ETFB: variants seen among roughly 807,000 people sequenced by gnomAD.
The protein encoded by ETFB is beta-ETF.
In ETFB, 20 loss-of-function variants were observed where a neutral mutation model predicts 25.6. That is an observed-to-expected ratio of 0.78 (90% CI 0.55 to 1.14). The LOEUF (loss-of-function observed/expected upper bound fraction) is 1.14. ETFB is among the 50% of genes most tolerant of loss of function. ETFB has a pLI of 0.00. For missense variants in ETFB, 286 were observed against 342.6 expected (o/e 0.83, Z 1.30); for synonymous variants, 142 against 146.7 (o/e 0.97, Z 0.23).
At chr19:51,364,492 C>T (rs1307952154) in intron 1 of ETFB, among the ~76,000 whole-genome samples, 1 of 152,200 alleles carries the variant, frequency 6.6e-6, no homozygotes, top group Non-Finnish European at 1.5e-5. Flanking sequence ...AGGCTCTGTG[C>T]TGAGTGATGC....
At chr19:51,359,377 A>T (rs1397568239) in intron 1 of ETFB, among the ~76,000 whole-genome samples, 1 of 151,696 alleles carries the variant, frequency 6.6e-6, no homozygotes, top group Non-Finnish European at 1.5e-5. Context: ...AAAAAAAAAA[A>T]CACAACATAG....
At chr19:51,354,507 C>G in intron 1 of ETFB, 199 bp from the exon 2 acceptor site, 1 of 1,614,218 alleles carries the variant, frequency 6.2e-7, no homozygotes, top group Non-Finnish European at 8.5e-7. Flanking sequence ...GTCTCCTTCT[C>G]TCATCCAGCC....
intron 3 of ETFB, 85 bp downstream of exon 3, chr19:51,353,047 A>AGCT: frequency 6.4e-7 from 1 of 1,556,998 alleles, no homozygotes; most frequent in Non-Finnish European, 8.8e-7. Flanking sequence ...GGGCCTGGCC[A>AGCT]GCTGCTGTCT....
intron 5 of ETFB, 176 bp from the exon 6 acceptor site, chr19:51,345,557 C>A (rs1458170258): frequency 1.0e-5 from 7 of 680,222 alleles, no homozygotes; most frequent in Non-Finnish European, 1.6e-5. Context: ...GTGGACAACT[C>A]CTGCTGGCTA....
At chr19:51,350,172 C>T in intron 4 of ETFB, 157 bp downstream of exon 4, 3 of 778,986 alleles carry the variant, frequency 3.9e-6, no homozygotes, top group Non-Finnish European at 6.4e-6. Context: ...GATACCTCAG[C>T]AGAGACCTCA....
chr19:51,366,384 G>GGCCCCCCCCCC lies in ETFB; in HGVS notation c.-59_-58insGGGGGGGGGGC. The GGCCCCCCCCCC allele has an allele frequency of 1.3e-6, 2 of 1,525,606 alleles. No individual in the cohort carries two copies. The highest frequency in any genetic ancestry group is 2.3e-5 in the East Asian group (1 of 42,566). The allele number at this position is 1,525,606 out of a possible 1,614,324, so 94.5% of individuals were successfully genotyped here. On this transcript the variant is annotated 5_prime_UTR_variant, in exon 1 of 6. Coordinates refer to ENST00000309244, the MANE Select transcript of ETFB (RefSeq NM_001985.3). ...GCACCCTCAGCGGCTCAGTCCAGAA[G>GGCCCCCCCCCC]CCCCACCACCCCCGCCCCCCGCGCC... is the stretch of plus-strand genomic sequence containing the variant.
chr19:51,364,695 A>AGG (rs1407638766), intron 1 of ETFB, among the ~76,000 whole-genome samples: 1 of 152,198 alleles, frequency 6.6e-6, no homozygotes, highest in African/African-American at 2.4e-5. Context: ...GGACCCCAAG[A>AGG]GGAATGTGTC....
chr19:51,360,572 G>A (rs190006118), intron 1 of ETFB, among the ~76,000 whole-genome samples: 2 of 152,300 alleles, frequency 1.3e-5, no homozygotes, highest in East Asian at 3.9e-4. Context: ...GAGGCACAGA[G>A]AGGCCAAGTA....
rs75898079 is a variant in ETFB at position 51,352,917 on chromosome 19, C to T, written c.375+215G>A. ...TGCTGAGATTACAGGCGTAAACCACCGTGCCTGGCCCAAGAGGATCTTTCT... is the reference window on the plus strand; with the variant it reads ...TGCTGAGATTACAGGCGTAAACCACTGTGCCTGGCCCAAGAGGATCTTTCT... On this transcript the variant is annotated intron_variant, in intron 3 of 5. Coordinates refer to ENST00000309244, the MANE Select transcript of ETFB (RefSeq NM_001985.3). Among the ~76,000 whole-genome samples the T allele has an allele frequency of 0.011, 1,697 of 152,308 alleles. 12 individuals are homozygous for T. Among genetic ancestry groups the T allele is most frequent in the Non-Finnish European group, 0.017 (1,176 of 68,012 alleles).
Position 51,350,340 on chromosome 19 carries a change from C to G in ETFB, c.427G>C (p.Asp143His), listed in dbSNP as rs1234160662. The change falls in exon 4 of 6, where the codon GAC becomes CAC. Residue 143 changes from aspartate to histidine, a missense_variant. Transcript: ENST00000309244. ...QTGQMTAGFL[D>H]WPQGTFASQV... is the part of the protein sequence containing the mutation. The stretch of plus-strand genomic sequence containing the variant: ...CACTCCAGTCTCACCTGTGGCCAGT[C>G]AAGAAATCCAGCTGTCATCTGCCCT... 1.2e-6 allele frequency: 2 copies of G among 1,610,856 alleles called. No homozygotes were observed. Among genetic ancestry groups the G allele is most frequent in the Non-Finnish European group, 1.7e-6 (2 of 1,178,688 alleles).
intron 1 of ETFB, 133 bp from the exon 2 acceptor site, chr19:51,354,441 A>G: frequency 6.2e-7 from 1 of 1,613,928 alleles, no homozygotes; most frequent in African/African-American, 1.3e-5. Flanking sequence ...GTCCGGGGTC[A>G]CACAGCTCCA....
Position 51,345,290 on chromosome 19 carries a change from G to A in ETFB, c.689C>T (p.Pro230Leu), listed in dbSNP as rs145010124. ...SKLSVISVED[P>L]PQRTAGVKVE... ...CTTGACGCCGGCCGTGCGCTGGGGC[G>A]GGTCCTCCACACTGATCACAGAGAG... Residue 230 changes from proline to leucine, a missense_variant, in exon 6 of 6, where the codon CCG (proline) becomes CTG (leucine). Pro to Leu is a moderately conservative substitution (Grantham distance 98). Transcript: ENST00000309244. 29 of 1,613,978 alleles carry A rather than the reference G, an allele frequency of 1.8e-5. No homozygotes were observed. The highest frequency in any genetic ancestry group is 6.6e-5 in the South Asian group (6 of 91,090).
intron 1 of ETFB, among the ~76,000 whole-genome samples, chr19:51,360,781 T>C (rs906205508): frequency 2.6e-5 from 4 of 152,116 alleles, no homozygotes; most frequent in African/African-American, 9.7e-5. Flanking sequence ...TCTCTCTCTC[T>C]CTCTCTCTTT....
At chr19:51,358,414 C>A (rs1048068420) in intron 1 of ETFB, among the ~76,000 whole-genome samples, 1 of 152,138 alleles carries the variant, frequency 6.6e-6, no homozygotes, top group Non-Finnish European at 1.5e-5. Flanking sequence ...TGTCTGTAAT[C>A]CCAGAAATTT....
In ETFB at chr19:51,350,369, TGGTTACAGTCATCATC is replaced by T; in HGVS notation, c.382_397del (p.Asp128ArgfsTer5). On this transcript the variant is annotated frameshift_variant, in exon 4 of 6. Coordinates refer to ENST00000309244, the MANE Select transcript of ETFB (RefSeq NM_001985.3). LOFTEE classifies it high-confidence loss of function. ...AAATCCAGCTGTCATCTGCCCTGTC[TGGTTACAGTCATCATC>T]GATGGCCTGAATGGGGAGAGACAGA... 1.3e-6 allele frequency: 2 copies of T among 1,596,272 alleles called. No homozygotes were observed. The highest frequency in any genetic ancestry group is 8.6e-7 in the Non-Finnish European group (1 of 1,165,520).
chr19:51,352,598 C>T lies in ETFB; in HGVS notation c.375+534G>A, dbSNP rs1362512322. ...CTCGGCCTCCCAGCCTCTAAACTCA[C>T]CCAAAAGGATCTTTCTTCTTTTTTT... On this transcript the variant is annotated intron_variant, in intron 3 of 5. Coordinates refer to ENST00000309244, the MANE Select transcript of ETFB (RefSeq NM_001985.3). 2.6e-5 allele frequency among the ~76,000 whole-genome samples: 4 copies of T among 152,032 alleles called. No homozygotes were observed. The East Asian group carries it at 7.7e-4, about 29-fold the overall frequency.
intron 4 of ETFB, among the ~76,000 whole-genome samples, chr19:51,349,588 G>A (rs927216011): frequency 1.3e-4 from 20 of 151,750 alleles, no homozygotes; most frequent in African/African-American, 4.8e-4. Flanking sequence ...TGGTACTACA[G>A]GCATGTGCCA....
At chr19:51,355,185 C>G (rs2123593408) in intron 1 of ETFB, 1 of 155,718 alleles carries the variant, frequency 6.4e-6, no homozygotes, top group East Asian at 1.9e-4. Flanking sequence ...ATTTTTGCAG[C>G]CTACTCATCT....
chr19:51,353,002 T>C (rs1985965641), intron 3 of ETFB, 130 bp downstream of exon 3: 6 of 1,133,508 alleles, frequency 5.3e-6, no homozygotes, highest in Non-Finnish European at 7.9e-6. Flanking sequence ...GTCAGCAAAG[T>C]CCCAAGCTGC....
Sources: gnomAD v4.1 joint callset for allele counts (sites outside exome capture counted in the v4.1 genomes callset) on GRCh38, gnomAD v4.1.1 for gene constraint, MANE v1.5 for transcripts, NCBI Gene and HGNC (gene_info 2026-07-23, HGNC 2026-07-21) for gene names.